The following S100G variants were observed in gnomAD, a reference collection of about 807,000 sequenced individuals.
S100G encodes protein S100-G.
S100G carries 4 observed loss-of-function variants against 4.4 expected under a neutral mutation model. The ratio of observed to expected loss-of-function variants is 0.91; its 90% CI spans 0.45 to 2.09. The LOEUF (loss-of-function observed/expected upper bound fraction) is 2.09, where lower values mean the gene tolerates loss of function less well. Among genes scored for constraint, S100G ranks in the 30% most tolerant of loss-of-function variants. The pLI is 0.03. For synonymous variants in S100G, 24 were observed against 20.1 expected, an observed-to-expected ratio of 1.20 and a Z score of -0.53; for missense variants, 48 against 49.8, an observed-to-expected ratio of 0.96 and a Z score of 0.11.
In S100G at chrX:16,650,858, G is replaced by A. The variant is rs558085699; in HGVS notation, c.-8-141G>A. The A allele has an allele frequency of 1.4e-5, 7 of 503,711 alleles. 1 individual carries two copies. Among genetic ancestry groups the A allele is most frequent in the South Asian group, 9.9e-5 (3 of 30,398 alleles). 41.5% of individuals were successfully genotyped at this position (503,711 alleles called of 1,213,427 possible). The stretch of plus-strand genomic sequence containing the variant: ...TGTTAGTAGTTACTGGTGCCATTCC[G>A]ACCCCGACATTCTCTTTTCCTTATT... On this transcript the variant is annotated intron_variant, in intron 1 of 2. Transcript: ENST00000380200.
chrX:16,650,540 G>A (rs1415473426), intron 1 of S100G, among the ~76,000 whole-genome samples: 6 of 90,001 alleles, frequency 6.7e-5, no homozygotes, highest in African/African-American at 8.7e-5. Flanking sequence ...TTTTTGCAGC[G>A]GAGGCTCGCT....
At chrX:16,651,367 G>A (rs979390026) in intron 2 of S100G, among the ~76,000 whole-genome samples, 2 of 111,562 alleles carry the variant, frequency 1.8e-5, no homozygotes, top group Non-Finnish European at 3.8e-5. Flanking sequence ...GACTCTGCAG[G>A]ACTAGCCATA....
At chrX:16,651,249 G>A in intron 2 of S100G, 108 bp downstream of exon 2, 1 of 737,766 alleles carries the variant, frequency 1.4e-6, no homozygotes, top group Non-Finnish European at 2.0e-6. Context: ...CTTGAGGGAG[G>A]ACACATGCAG....
intron 1 of S100G, among the ~76,000 whole-genome samples, chrX:16,650,446 C>T (rs1037106727): frequency 3.7e-5 from 4 of 109,522 alleles, no homozygotes; most frequent in Non-Finnish European, 7.6e-5. Flanking sequence ...AAATGTTTGG[C>T]TCCAGGGACC....
chrX:16,654,306 GCA>G (rs1932769054), intron 2 of S100G, 97 bp from the exon 3 acceptor site: 1 of 512,793 alleles, frequency 2.0e-6, no homozygotes, highest in Non-Finnish European at 3.2e-6. Flanking sequence ...TGCCTTCTTG[GCA>G]CACAGACCCC....
chrX:16,651,475 G>C (rs1223361187), intron 2 of S100G, among the ~76,000 whole-genome samples: 1 of 111,841 alleles, frequency 8.9e-6, no homozygotes, highest in Non-Finnish European at 1.9e-5. Flanking sequence ...TCTGTGCCAG[G>C]CTTTAGGAAA....
intron 2 of S100G, among the ~76,000 whole-genome samples, chrX:16,653,740 G>A (rs1025547259): frequency 1.8e-5 from 2 of 112,395 alleles, no homozygotes; most frequent in African/African-American, 6.5e-5. Context: ...GAACCATTGA[G>A]CCAAAGTCAT....
Position 16,654,475 on chromosome X carries a change from A to C in S100G, c.206A>C (p.Glu69Ala), listed in dbSNP as rs145104796. 5.5e-5 allele frequency: 65 copies of C among 1,191,512 alleles called. No individual in the cohort carries two copies. In the African/African-American group the frequency reaches 9.9e-4, roughly 18 times the overall value. Residue 69 changes from glutamate to alanine, a missense_variant, in exon 3 of 3, where the codon GAA (glutamate) becomes GCA (alanine). Glu to Ala is a moderately radical substitution (Grantham distance 107). Transcript: ENST00000380200. ...KNGDGEVSFE[E>A]FQVLVKKISQ Reference sequence around the variant, plus strand: ...GGAGATGGAGAAGTTAGTTTTGAAGAATTCCAAGTATTAGTAAAAAAGATA... The same window carrying C: ...GGAGATGGAGAAGTTAGTTTTGAAGCATTCCAAGTATTAGTAAAAAAGATA...
rs1932599922 is a variant in S100G, at chrX:16,651,087, G to A, written c.81G>A (p.Leu27=). Residue 27 remains leucine, a synonymous_variant, in exon 2 of 3, where the codon TTG becomes TTA. Transcript: ENST00000380200. Reference sequence around the variant, plus strand: ...CCAAAGAAGGTGATCCAGACCAGTTGTCAAAGGATGAACTGAAGCTATTGA... The same window carrying A: ...CCAAAGAAGGTGATCCAGACCAGTTATCAAAGGATGAACTGAAGCTATTGA... ...YAAKEGDPDQ[L]SKDELKLLIQ... is the part of the protein sequence containing the mutation. 1 of 1,201,164 alleles carries A rather than the reference G, an allele frequency of 8.3e-7. No homozygotes were observed. The highest frequency in any genetic ancestry group is 1.1e-6 in the Non-Finnish European group (1 of 888,641).
intron 2 of S100G, among the ~76,000 whole-genome samples, chrX:16,652,853 G>A (rs1394524728): frequency 1.8e-5 from 2 of 111,653 alleles, no homozygotes; most frequent in Non-Finnish European, 3.8e-5. Flanking sequence ...GCATGGTTTA[G>A]AATCTAGTAA....
chrX:16,652,745 GT>G (rs201816848), intron 2 of S100G, among the ~76,000 whole-genome samples: 2,625 of 111,600 alleles, frequency 0.024, 86 homozygotes, highest in African/African-American at 0.082. Context: ...CTAATGGTAA[GT>G]TCTGAAAGTC....
At position 16,650,920 on chromosome X, in the gene S100G, C is replaced by T; in HGVS notation, c.-8-79C>T. ...ATGCCAAGGAAATGGCCCAATGGCACTAAAATCCTGCAGACAACCCTCAGC... is the reference window on the plus strand; with the variant it reads ...ATGCCAAGGAAATGGCCCAATGGCATTAAAATCCTGCAGACAACCCTCAGC... On this transcript the variant is annotated intron_variant, in intron 1 of 2. Transcript: ENST00000380200. The T allele has an allele frequency of 6.6e-6, 6 of 910,509 alleles. No individual in the cohort carries two copies. In the Middle Eastern group the frequency reaches 9.4e-4, roughly 142 times the overall value. The allele number at this position is 910,509 out of a possible 1,213,427, so 75.0% of individuals were successfully genotyped here. A position where few individuals can be genotyped will look rare whatever the true frequency, so the allele number is the denominator to read the frequency against.
chrX:16,654,275 C>G, intron 2 of S100G, 130 bp from the exon 3 acceptor site: 1 of 424,662 alleles, frequency 2.4e-6, no homozygotes, highest in Non-Finnish European at 4.2e-6. Flanking sequence ...CTATTAGATG[C>G]ATGTCACTGG....
rs1281081309 is a variant in S100G, at chrX:16,654,472, A to G, written c.203A>G (p.Glu68Gly). The G allele has an allele frequency of 1.7e-6, 2 of 1,194,425 alleles. No homozygotes were observed. The highest frequency in any genetic ancestry group is 2.2e-5 in the Admixed American group (1 of 45,577). ...AATGGAGATGGAGAAGTTAGTTTTG[A>G]AGAATTCCAAGTATTAGTAAAAAAG... ...DKNGDGEVSF[E>G]EFQVLVKKIS... The change falls in exon 3 of 3, where the codon GAA (glutamate) becomes GGA (glycine). Residue 68 changes from glutamate to glycine, a missense_variant. By Grantham distance (98) the Glu-to-Gly change is moderately conservative. Transcript: ENST00000380200.
At chrX:16,652,020 G>T (rs902610752) in intron 2 of S100G, among the ~76,000 whole-genome samples, 1 of 108,155 alleles carries the variant, frequency 9.2e-6, no homozygotes, top group Non-Finnish European at 1.9e-5. Flanking sequence ...GAGCAGGATG[G>T]GGGGGGCCAG....
In S100G at chrX:16,654,557, G is replaced by A. The variant is rs1046332363; in HGVS notation, c.*48G>A. On this transcript the variant is annotated 3_prime_UTR_variant, in exon 3 of 3. Transcript: ENST00000380200. ...TGAGCACTGGAGGAAGAGCGCCTGT[G>A]CTGTGGTCTTATCCTATGTGGAATC... 14 of 763,885 alleles carry A rather than the reference G, an allele frequency of 1.8e-5. No homozygotes were observed. The highest frequency in any genetic ancestry group is 2.5e-5 in the Non-Finnish European group (13 of 511,683). The allele number at this position is 763,885 out of a possible 1,213,427, so 63.0% of individuals were successfully genotyped here.
intron 2 of S100G, among the ~76,000 whole-genome samples, 176 bp downstream of exon 2, chrX:16,651,317 A>G (rs990946673): frequency 1.8e-5 from 2 of 111,263 alleles, no homozygotes; most frequent in Non-Finnish European, 3.8e-5. Flanking sequence ...CTCAGAAAAC[A>G]AGGGCCAAGC....
At chrX:16,650,578 A>G (rs1220739239) in intron 1 of S100G, among the ~76,000 whole-genome samples, 2 of 92,550 alleles carry the variant, frequency 2.2e-5, no homozygotes, top group African/African-American at 4.4e-5. Context: ...GTGCAGTGGC[A>G]TCGCACTCAC....
At chrX:16,654,340 T>C in intron 2 of S100G, 65 bp from the exon 3 acceptor site, 1 of 731,323 alleles carries the variant, frequency 1.4e-6, no homozygotes, top group South Asian at 3.2e-5. Context: ...TTTCTGAGAA[T>C]GTGTAGCAGT....
Sources: allele counts gnomAD v4.1 joint callset (sites outside exome capture counted in the v4.1 genomes callset), GRCh38; gene constraint gnomAD v4.1.1; transcripts MANE v1.5; gene names NCBI Gene and HGNC (gene_info 2026-07-23, HGNC 2026-07-21).